The following ADCY2 variants were observed in gnomAD, a reference collection of about 807,000 sequenced individuals.
The protein encoded by ADCY2 is adenylate cyclase type 2.
ADCY2 carries 31 observed loss-of-function variants against 125.2 expected under a neutral mutation model. That is an observed-to-expected ratio of 0.25 (90% CI 0.19 to 0.33). The LOEUF is 0.33. ADCY2 is among the 10% of genes least tolerant of loss of function. The pLI is 1.00. For synonymous variants in ADCY2, 512 were observed against 548.4 expected (o/e 0.93, Z 0.93); for missense variants, 904 against 1,418.2 (o/e 0.64, Z 5.82).
chr5:7,604,196 T>C (rs1737336171), intron 3 of ADCY2, among the ~76,000 whole-genome samples: 1 of 9,256 alleles, frequency 1.1e-4, no homozygotes, highest in Non-Finnish European at 1.8e-4. Flanking sequence ...TGTGCCACAT[T>C]TTCTTAATCC....
intron 17 of ADCY2, among the ~76,000 whole-genome samples, chr5:7,767,052 T>A (rs1449311054): frequency 6.6e-6 from 1 of 152,228 alleles, no homozygotes; most frequent in Non-Finnish European, 1.5e-5. Flanking sequence ...TGTTTCCTTC[T>A]TCTCTTAACC....
At chr5:7,591,048 G>A (rs939684368) in intron 3 of ADCY2, among the ~76,000 whole-genome samples, 2 of 152,036 alleles carry the variant, frequency 1.3e-5, no homozygotes, top group Non-Finnish European at 2.9e-5. Context: ...GCAAATTTTG[G>A]AATGATTTTG....
chr5:7,734,094 G>T (rs1396024386), intron 14 of ADCY2, among the ~76,000 whole-genome samples: 1 of 152,092 alleles, frequency 6.6e-6, no homozygotes, highest in Non-Finnish European at 1.5e-5. Flanking sequence ...AGAAAAGTTT[G>T]CTTCCTTTGG....
intron 1 of ADCY2, 52 bp from the exon 2 acceptor site, chr5:7,414,521 A>G: frequency 6.9e-7 from 1 of 1,451,766 alleles, no homozygotes; most frequent in South Asian, 1.3e-5. Flanking sequence ...AATCATTGGT[A>G]TCACAGTGTC....
chr5:7,474,414 A>G (rs575264977), intron 2 of ADCY2, among the ~76,000 whole-genome samples: 1 of 152,344 alleles, frequency 6.6e-6, no homozygotes, highest in South Asian at 2.1e-4. Context: ...AGATGCTGTA[A>G]TAGGGAGTCA....
chr5:7,706,726 T>C lies in ADCY2; in HGVS notation c.1110-18T>C, dbSNP rs1741278095. 1.2e-6 allele frequency: 2 copies of C among 1,613,396 alleles called. No individual in the cohort carries two copies. The highest frequency in any genetic ancestry group is 2.2e-5 in the South Asian group (2 of 91,020). On this transcript the variant is annotated intron_variant, in intron 7 of 24. Coordinates refer to ENST00000338316, the MANE Select transcript of ADCY2 (RefSeq NM_020546.3). ...AGTGGATGTTACTTGATCATGATCT[T>C]ACTTCCCTTCTCTTTAGGAAAGTGA... is the stretch of plus-strand genomic sequence containing the variant.
chr5:7,592,369 G>A (rs532944071), intron 3 of ADCY2, among the ~76,000 whole-genome samples: 1 of 152,174 alleles, frequency 6.6e-6, no homozygotes, highest in Admixed American at 6.5e-5. Flanking sequence ...ATAATGATGG[G>A]TGAACTAAAT....
At chr5:7,510,548 C>T (rs561389141) in intron 2 of ADCY2, among the ~76,000 whole-genome samples, 1 of 152,296 alleles carries the variant, frequency 6.6e-6, no homozygotes, top group South Asian at 2.1e-4. Context: ...TGGCTAGGCT[C>T]AGGCCCAAGC....
intron 4 of ADCY2, among the ~76,000 whole-genome samples, chr5:7,674,301 G>A (rs1490616449): frequency 6.6e-6 from 1 of 152,200 alleles, no homozygotes; most frequent in Non-Finnish European, 1.5e-5. Flanking sequence ...TGGTTTCGGT[G>A]TGGGGTGGGT....
chr5:7,496,623 G>T (rs987676356), intron 2 of ADCY2, among the ~76,000 whole-genome samples: 1 of 152,044 alleles, frequency 6.6e-6, no homozygotes, highest in Non-Finnish European at 1.5e-5. Context: ...ATGCATATAA[G>T]ATTATTATTT....
At chr5:7,630,425 C>A (rs1738275488) in intron 4 of ADCY2, among the ~76,000 whole-genome samples, 1 of 152,094 alleles carries the variant, frequency 6.6e-6, no homozygotes, top group Admixed American at 6.6e-5. Flanking sequence ...GAAGCAAGTA[C>A]TATTTCTTTA....
intron 4 of ADCY2, among the ~76,000 whole-genome samples, chr5:7,687,336 C>T (rs1409770601): frequency 2.6e-5 from 4 of 151,964 alleles, no homozygotes; most frequent in African/African-American, 7.2e-5. Flanking sequence ...CAGGAAGGAC[C>T]GGCTCTGTGT....
intron 2 of ADCY2, among the ~76,000 whole-genome samples, chr5:7,475,828 G>A (rs182847625): frequency 1.2e-4 from 18 of 152,296 alleles, no homozygotes; most frequent in Non-Finnish European, 2.4e-4. Flanking sequence ...GACTGAGTTC[G>A]AGGGAGAAAG....
At chr5:7,600,181 A>G (rs1364800576) in intron 3 of ADCY2, among the ~76,000 whole-genome samples, 1 of 152,216 alleles carries the variant, frequency 6.6e-6, no homozygotes, top group Non-Finnish European at 1.5e-5. Flanking sequence ...GAAACTTGAT[A>G]GAGATAAAGA....
rs1162031729 is a variant in ADCY2, at chr5:7,589,510, G to GAAAGAAAGAA, written c.571-36654_571-36653insGAAAGAAAAA. 3.4e-5 allele frequency among the ~76,000 whole-genome samples: 3 copies of GAAAGAAAGAA among 88,136 alleles called. No individual in the cohort carries two copies. In the East Asian group the frequency reaches 1.0e-3, roughly 30 times the overall value. 57.8% of individuals were successfully genotyped at this position (88,136 alleles called of 152,430 possible). On this transcript the variant is annotated intron_variant, in intron 3 of 24. Coordinates refer to ENST00000338316, the MANE Select transcript of ADCY2 (RefSeq NM_020546.3). Reference sequence around the variant, plus strand: ...AGAAAGAAAGAAAGAAAGAAAGAAAGAAAAGAAAAGAAAGAGAAAGAAAGA... The same window carrying GAAAGAAAGAA: ...AGAAAGAAAGAAAGAAAGAAAGAAAGAAAGAAAGAAAAAAGAAAAGAAAGAGAAAGAAAGA...
At chr5:7,443,844 C>G (rs1741116458) in intron 2 of ADCY2, among the ~76,000 whole-genome samples, 1 of 151,694 alleles carries the variant, frequency 6.6e-6, no homozygotes, top group African/African-American at 2.4e-5. Flanking sequence ...TTTTAACATC[C>G]CTTGGAATAT....
At chr5:7,592,094 C>G (rs970888627) in intron 3 of ADCY2, among the ~76,000 whole-genome samples, 1 of 152,208 alleles carries the variant, frequency 6.6e-6, no homozygotes, top group African/African-American at 2.4e-5. Context: ...TCAATTTAAA[C>G]ATGCGGTATG....
intron 4 of ADCY2, among the ~76,000 whole-genome samples, chr5:7,627,750 C>A (rs1468856839): frequency 6.6e-6 from 1 of 152,148 alleles, no homozygotes; most frequent in Non-Finnish European, 1.5e-5. Context: ...GAATGGTAAT[C>A]ATTCTTTTTT....
intron 22 of ADCY2, among the ~76,000 whole-genome samples, chr5:7,806,711 A>T (rs922690424): frequency 4.6e-5 from 7 of 152,192 alleles, no homozygotes; most frequent in Non-Finnish European, 1.0e-4. Flanking sequence ...TTAGTTGACC[A>T]TAATTACCTC....
Sources: gnomAD v4.1 joint callset for allele counts (sites outside exome capture counted in the v4.1 genomes callset) on GRCh38, gnomAD v4.1.1 for gene constraint, MANE v1.5 for transcripts, NCBI Gene and HGNC (gene_info 2026-07-23, HGNC 2026-07-21) for gene names.